Variants in MBNL2 observed in about 807,000 individuals in gnomAD.
MBNL2 encodes the protein muscleblind like splicing regulator 2.
Under a neutral mutation model 41.9 loss-of-function variants are expected in MBNL2, and 17 were observed. The ratio of observed to expected loss-of-function variants is 0.41; its 90% CI spans 0.28 to 0.61. MBNL2 has a LOEUF of 0.61. MBNL2 is among the 20% of genes least tolerant of loss of function. The pLI is 0.35. For synonymous variants in MBNL2, 195 were observed against 182.9 expected, an observed-to-expected ratio of 1.07 and a Z score of -0.53; for missense variants, 336 against 505.6, an observed-to-expected ratio of 0.66 and a Z score of 3.22.
At chr13:97,275,565 A>G (rs1035481199) in intron 1 of MBNL2, 67 bp from the exon 2 acceptor site, 3 of 152,240 alleles carry the variant, frequency 2.0e-5, no homozygotes, top group Middle Eastern at 3.2e-3. Context: ...TAAGAGTTCA[A>G]TAGTTCGTTG....
chr13:97,324,528 C>A (rs1223702714), intron 2 of MBNL2, among the ~76,000 whole-genome samples: 1 of 152,124 alleles, frequency 6.6e-6, no homozygotes, highest in Non-Finnish European at 1.5e-5. Flanking sequence ...TCTATGAAGT[C>A]AAACAGCCAC....
At chr13:97,335,513 G>A (rs943852278) in intron 3 of MBNL2, among the ~76,000 whole-genome samples, 1 of 152,104 alleles carries the variant, frequency 6.6e-6, no homozygotes, top group Non-Finnish European at 1.5e-5. Context: ...AGAGAATTCC[G>A]GCAGGTTGTC....
the MBNL2 span, among the ~76,000 whole-genome samples, chr13:97,144,183 G>A: frequency 6.6e-6 from 1 of 151,962 alleles, no homozygotes; most frequent in Non-Finnish European, 1.5e-5. Flanking sequence ...CGTGGAGTGG[G>A]AAAAGGGAGC....
the MBNL2 span, among the ~76,000 whole-genome samples, chr13:97,215,119 G>GGC: frequency 6.6e-6 from 1 of 152,188 alleles, no homozygotes; most frequent in Non-Finnish European, 1.5e-5. Context: ...ACAGCTTAAG[G>GGC]GCTGGGCATG....
At chr13:97,151,354 T>G in the MBNL2 span, among the ~76,000 whole-genome samples, 2 of 152,056 alleles carry the variant, frequency 1.3e-5, no homozygotes, top group African/African-American at 4.8e-5. Flanking sequence ...ATGTTTCCTT[T>G]CCCCAACCCT....
chr13:97,355,785 T>C (rs371201003), intron 5 of MBNL2, among the ~76,000 whole-genome samples: 1 of 152,348 alleles, frequency 6.6e-6, no homozygotes, highest in South Asian at 2.1e-4. Context: ...CTATTATTTT[T>C]AGCTGTTTGC....
intron 2 of MBNL2, among the ~76,000 whole-genome samples, chr13:97,331,905 G>GT (rs1348175631): frequency 6.6e-6 from 1 of 152,152 alleles, no homozygotes; most frequent in Admixed American, 6.5e-5. Flanking sequence ...TTCCCTATGA[G>GT]TCCCAGTTTT....
chr13:97,158,570 C>T, the MBNL2 span, among the ~76,000 whole-genome samples: 55 of 150,130 alleles, frequency 3.7e-4, no homozygotes, highest in East Asian at 9.8e-4. Context: ...GCTTTGAATG[C>T]GTCCCAGAGA....
intron 8 of MBNL2, among the ~76,000 whole-genome samples, chr13:97,384,866 T>G (rs1247437433): frequency 9.9e-5 from 15 of 152,178 alleles, no homozygotes. Context: ...AGGTGAATTT[T>G]TATCTGCTGT....
chr13:97,302,734 CTG>C (rs953287650), intron 2 of MBNL2, among the ~76,000 whole-genome samples: 2 of 152,140 alleles, frequency 1.3e-5, no homozygotes, highest in Non-Finnish European at 2.9e-5. Flanking sequence ...GTAGTGGAGT[CTG>C]TACTTCAGCT....
intron 2 of MBNL2, among the ~76,000 whole-genome samples, chr13:97,320,856 A>G (rs530789136): frequency 7.5e-4 from 114 of 152,198 alleles, no homozygotes; most frequent in Non-Finnish European, 1.4e-3. Context: ...CGGAGGTTGC[A>G]GTGAGCCGAG....
Position 97,268,472 on chromosome 13 carries a change from C to T in MBNL2, c.-604-7160C>T, listed in dbSNP as rs533330651. Among the ~76,000 whole-genome samples the T allele has an allele frequency of 2.0e-5, 3 of 151,336 alleles. No homozygotes were observed. Among genetic ancestry groups the T allele is most frequent in the South Asian group, 2.1e-4 (1 of 4,830 alleles). ...GGCCCAGGCACAACACTTTAAAAAC[C>T]GCTGGACTAAAGATCTGGGCATTGA... is the stretch of plus-strand genomic sequence containing the variant. On this transcript the variant is annotated intron_variant, in intron 1 of 8. Coordinates refer to ENST00000679496, the MANE Select transcript of MBNL2 (RefSeq NM_001382683.1). The surrounding 1 kb of genome is among the most constrained non-coding windows in gnomAD (Gnocchi z 4.6).
intron 2 of MBNL2, among the ~76,000 whole-genome samples, chr13:97,326,788 G>A (rs1243549824): frequency 6.6e-6 from 1 of 152,204 alleles, no homozygotes; most frequent in East Asian, 1.9e-4. Context: ...TTAGAGTAGA[G>A]CTATTTCAGT....
the MBNL2 span, among the ~76,000 whole-genome samples, chr13:97,213,417 A>G: frequency 6.6e-6 from 1 of 152,180 alleles, no homozygotes; most frequent in African/African-American, 2.4e-5. Context: ...CTCTGGTAAA[A>G]TTAATTCTCA....
chr13:97,159,222 T>C, the MBNL2 span, among the ~76,000 whole-genome samples: 1 of 151,258 alleles, frequency 6.6e-6, no homozygotes, highest in Non-Finnish European at 1.5e-5. Flanking sequence ...TTGCAACCCC[T>C]GCGTTTTTTT....
At chr13:97,250,668 A>G (rs182959497) in intron 1 of MBNL2, among the ~76,000 whole-genome samples, 12 of 152,218 alleles carry the variant, frequency 7.9e-5, no homozygotes, top group Admixed American at 6.5e-4. Flanking sequence ...TATTCATTCA[A>G]TGATCTTGAA....
At chr13:97,361,954 G>A (rs142251699) in intron 7 of MBNL2, among the ~76,000 whole-genome samples, 24 of 151,292 alleles carry the variant, frequency 1.6e-4, no homozygotes, top group East Asian at 3.9e-4. Flanking sequence ...TGTATTTTTC[G>A]TAGAGACAGG....
intron 7 of MBNL2, among the ~76,000 whole-genome samples, chr13:97,361,584 C>T (rs779666773): frequency 3.9e-5 from 6 of 152,006 alleles, no homozygotes; most frequent in Non-Finnish European, 7.4e-5. Context: ...ATTTCAGCCA[C>T]ATCCAGGACT....
chr13:97,148,903 A>G, the MBNL2 span, among the ~76,000 whole-genome samples: 2 of 152,264 alleles, frequency 1.3e-5, no homozygotes, highest in African/African-American at 4.8e-5. Context: ...ATGCACTAAC[A>G]TACACATACT....
Sources: allele counts gnomAD v4.1 joint callset (sites outside exome capture counted in the v4.1 genomes callset), GRCh38; gene constraint gnomAD v4.1.1; non-coding constraint Gnocchi (gnomAD v3.1); transcripts MANE v1.5; gene names NCBI Gene and HGNC (gene_info 2026-07-23, HGNC 2026-07-21).